The following MICU1 variants were observed in gnomAD, a reference collection of about 807,000 sequenced individuals.
The protein encoded by MICU1 is calcium uptake protein 1, mitochondrial.
In MICU1, 45 loss-of-function variants were observed where a neutral mutation model predicts 56.8. The observed-to-expected ratio is 0.79, with a 90% CI of 0.62 to 1.02. The LOEUF is 1.02. Among genes scored for constraint, MICU1 ranks in the 50% least tolerant of loss-of-function variants. The pLI is 0.00. For synonymous variants in MICU1, 186 were observed against 195.1 expected (o/e 0.95, Z 0.39); for missense variants, 504 against 587.1 (o/e 0.86, Z 1.46).
At chr10:72,549,181 GT>G (rs905630239) in intron 4 of MICU1, among the ~76,000 whole-genome samples, 2 of 143,110 alleles carry the variant, frequency 1.4e-5, no homozygotes, top group Non-Finnish European at 3.1e-5. Flanking sequence ...TCATGTGTCT[GT>G]TTTTTTTGGT....
At chr10:72,412,591 C>T (rs1031319446) in intron 9 of MICU1, among the ~76,000 whole-genome samples, 1 of 152,208 alleles carries the variant, frequency 6.6e-6, no homozygotes, top group African/African-American at 2.4e-5. Context: ...TGGCTCATGC[C>T]TGTAATCCCA....
intron 8 of MICU1, among the ~76,000 whole-genome samples, chr10:72,436,017 C>T (rs1864704103): frequency 6.6e-6 from 1 of 152,360 alleles, no homozygotes; most frequent in Non-Finnish European, 1.5e-5. Context: ...CCCCGTCTGA[C>T]AGCTCTGAAG....
chr10:72,410,215 T>C (rs566621038), intron 9 of MICU1, among the ~76,000 whole-genome samples: 8 of 152,246 alleles, frequency 5.3e-5, no homozygotes, highest in Admixed American at 2.0e-4. Flanking sequence ...ATAAAGTATT[T>C]CATTGTGTGA....
chr10:72,586,013 C>CTTTTTTTTTTTCTTT (rs1841044747), intron 1 of MICU1, among the ~76,000 whole-genome samples: 1 of 74,682 alleles, frequency 1.3e-5, no homozygotes, highest in South Asian at 5.5e-4. Context: ...TTTTTTTTTT[C>CTTTTTTTTTTTCTTT]TTTTTTTTTT....
intron 5 of MICU1, among the ~76,000 whole-genome samples, chr10:72,510,699 A>G (rs1213432326): frequency 6.6e-6 from 1 of 150,888 alleles, no homozygotes; most frequent in African/African-American, 2.5e-5. Flanking sequence ...GCTGGAATGC[A>G]GTGGCGTGAT....
chr10:72,497,460 G>A (rs977068714), intron 6 of MICU1, among the ~76,000 whole-genome samples: 1 of 152,122 alleles, frequency 6.6e-6, no homozygotes, highest in African/African-American at 2.4e-5. Flanking sequence ...TAAATGAAAG[G>A]TCCAGCTATA....
At chr10:72,491,361 G>C (rs1466989473) in intron 6 of MICU1, among the ~76,000 whole-genome samples, 2 of 152,136 alleles carry the variant, frequency 1.3e-5, no homozygotes, top group African/African-American at 4.8e-5. Flanking sequence ...TCCATCTGTG[G>C]AAAAATAATT....
intron 1 of MICU1, among the ~76,000 whole-genome samples, chr10:72,607,318 G>A (rs1195158808): frequency 1.3e-5 from 2 of 150,358 alleles, no homozygotes; most frequent in Admixed American, 6.7e-5. Flanking sequence ...TCCAGCCTGG[G>A]CAACAAGAGT....
At chr10:72,515,641 T>C (rs930893790) in intron 5 of MICU1, among the ~76,000 whole-genome samples, 2 of 152,194 alleles carry the variant, frequency 1.3e-5, no homozygotes, top group African/African-American at 4.8e-5. Flanking sequence ...TTATTCAAGC[T>C]TAGAATACAC....
At chr10:72,386,282 A>G (rs1862884816) in intron 10 of MICU1, among the ~76,000 whole-genome samples, 1 of 152,106 alleles carries the variant, frequency 6.6e-6, no homozygotes, top group African/African-American at 2.4e-5. Context: ...CCCGGGTTCA[A>G]ACAATTATCC....
intron 1 of MICU1, among the ~76,000 whole-genome samples, chr10:72,577,509 CAAA>C (rs534974944): frequency 4.7e-5 from 4 of 85,868 alleles, no homozygotes; most frequent in East Asian, 3.4e-4. Context: ...AACTCCGTCT[CAAA>C]AAAAAAAAAA....
chr10:72,511,924 C>T (rs950260910), intron 5 of MICU1, among the ~76,000 whole-genome samples: 2 of 152,070 alleles, frequency 1.3e-5, no homozygotes, highest in South Asian at 4.1e-4. Context: ...GGCAGACCGT[C>T]CCCATCTAAA....
chr10:72,392,406 G>C (rs1227248704), intron 10 of MICU1, among the ~76,000 whole-genome samples: 1 of 151,936 alleles, frequency 6.6e-6, no homozygotes, highest in Non-Finnish European at 1.5e-5. Flanking sequence ...CCCCATCTCT[G>C]TTAAAAATAC....
chr10:72,396,360 A>C (rs1863259347), intron 10 of MICU1, among the ~76,000 whole-genome samples: 2 of 152,230 alleles, frequency 1.3e-5, no homozygotes, highest in Admixed American at 1.3e-4. Flanking sequence ...AAAATTCTAA[A>C]AAGCAGAGCG....
intron 8 of MICU1, among the ~76,000 whole-genome samples, chr10:72,459,332 A>G (rs1003625047): frequency 6.6e-6 from 1 of 152,188 alleles, no homozygotes; most frequent in Admixed American, 6.5e-5. Context: ...CTCCATCTCA[A>G]AAACAAAAAC....
intron 5 of MICU1, chr10:72,528,908 T>C (rs1409798918): frequency 6.4e-6 from 1 of 155,514 alleles, no homozygotes; most frequent in Non-Finnish European, 1.4e-5. Context: ...TTAAAGTTAA[T>C]TTGTTAATAT....
chr10:72,608,890 C>A (rs1224782753), intron 1 of MICU1, among the ~76,000 whole-genome samples: 1 of 152,194 alleles, frequency 6.6e-6, no homozygotes, highest in Non-Finnish European at 1.5e-5. Context: ...CTGGACCTCA[C>A]TCCTGTTTTC....
intron 1 of MICU1, among the ~76,000 whole-genome samples, chr10:72,586,969 C>T (rs376782630): frequency 2.3e-4 from 35 of 152,262 alleles, no homozygotes; most frequent in South Asian, 2.1e-3. Flanking sequence ...GATGCCTAAA[C>T]TTCAAAATAA....
At chr10:72,478,906 A>G (rs958545550) in intron 6 of MICU1, among the ~76,000 whole-genome samples, 3 of 152,210 alleles carry the variant, frequency 2.0e-5, no homozygotes, top group Non-Finnish European at 2.9e-5. Context: ...AAGTCCTGGG[A>G]TTACAGGTGT....
Sources: allele counts gnomAD v4.1 joint callset (sites outside exome capture counted in the v4.1 genomes callset), GRCh38; gene constraint gnomAD v4.1.1; transcripts MANE v1.5; gene names NCBI Gene and HGNC (gene_info 2026-07-23, HGNC 2026-07-21).